SVOPL: variants seen among roughly 807,000 people sequenced by gnomAD.
SVOPL encodes the protein SVOP like.
In SVOPL, 60 loss-of-function variants were observed where a neutral mutation model predicts 61.0. The ratio of observed to expected loss-of-function variants is 0.98; its 90% CI spans 0.80 to 1.22. The LOEUF is 1.22. SVOPL is among the 50% of genes most tolerant of loss of function. The pLI is 0.00. For synonymous variants in SVOPL, 279 were observed against 250.0 expected (o/e 1.12, Z -1.09); for missense variants, 662 against 643.9 (o/e 1.03, Z -0.30).
chr7:138,615,521 A>C (rs1799252915), intron 14 of SVOPL, among the ~76,000 whole-genome samples: 1 of 80,464 alleles, frequency 1.2e-5, no homozygotes, highest in African/African-American at 3.6e-5. Context: ...GTGCCACTGC[A>C]CTCCATCCTG....
At chr7:138,660,378 G>A in intron 5 of SVOPL, 1 of 990,238 alleles carries the variant, frequency 1.0e-6, no homozygotes, top group Admixed American at 5.8e-5. Context: ...TTAATTATAA[G>A]GATAAATTCA....
At chr7:138,621,767 T>C (rs1799571795) in intron 13 of SVOPL, among the ~76,000 whole-genome samples, 1 of 152,168 alleles carries the variant, frequency 6.6e-6, no homozygotes, top group African/African-American at 2.4e-5. Context: ...TGTTGCAGAA[T>C]CTTAACAGCA....
chr7:138,663,610 C>T lies in SVOPL; in HGVS notation c.274-465G>A, dbSNP rs1204161166. ...AAACTCTTCAGAACATTCATAAGTCCTAAGATACACCTACTTCTTTTCCTT... is the reference window on the plus strand; with the variant it reads ...AAACTCTTCAGAACATTCATAAGTCTTAAGATACACCTACTTCTTTTCCTT... On this transcript the variant is annotated intron_variant, in intron 4 of 15. Coordinates refer to ENST00000674285, the MANE Select transcript of SVOPL (RefSeq NM_001139456.2). The T allele has an allele frequency of 1.3e-5, 13 of 987,480 alleles. No homozygotes were observed. In the Admixed American group the frequency reaches 4.8e-4, roughly 37 times the overall value. The allele number at this position is 987,480 out of a possible 1,614,324, so 61.2% of individuals were successfully genotyped here.
At chr7:138,654,145 A>AAG (rs988869965) in intron 7 of SVOPL, among the ~76,000 whole-genome samples, 1 of 147,566 alleles carries the variant, frequency 6.8e-6, no homozygotes, top group African/African-American at 2.5e-5. Flanking sequence ...AAAAAAAAAA[A>AAG]AAGAATCATG....
chr7:138,679,057 C>T lies in SVOPL; in HGVS notation c.-12G>A. On this transcript the variant is annotated 5_prime_UTR_variant, in exon 2 of 16. Coordinates refer to ENST00000674285, the MANE Select transcript of SVOPL (RefSeq NM_001139456.2). ...GGCTTGGTTGCCATCTTCTAAATAG[C>T]TCAAGTTCCCCAAACAGCTTCCCTG... 6.4e-7 allele frequency: 1 copy of T among 1,550,652 alleles called. No individual in the cohort carries two copies. Among genetic ancestry groups the T allele is most frequent in the Non-Finnish European group, 8.7e-7 (1 of 1,146,440 alleles).
At chr7:138,600,901 A>G (rs947339609) in intron 14 of SVOPL, among the ~76,000 whole-genome samples, 1 of 152,164 alleles carries the variant, frequency 6.6e-6, no homozygotes, top group African/African-American at 2.4e-5. Flanking sequence ...GATATTCCTA[A>G]GGAAGTTAAA....
intron 4 of SVOPL, among the ~76,000 whole-genome samples, chr7:138,669,023 T>C (rs1802348562): frequency 6.6e-6 from 1 of 152,186 alleles, no homozygotes; most frequent in South Asian, 2.1e-4. Context: ...GACTGGCCTT[T>C]TGACATGTGG....
At chr7:138,611,392 CCAAAACAAAACAAAA>C (rs113839524) in intron 14 of SVOPL, among the ~76,000 whole-genome samples, 47 of 151,562 alleles carry the variant, frequency 3.1e-4, no homozygotes, top group African/African-American at 9.7e-5. Flanking sequence ...ACCCCCAACC[CCAAAACAAAACAAAA>C]CAAAACAAAA....
At chr7:138,661,194 C>A in intron 5 of SVOPL, 4 of 985,222 alleles carry the variant, frequency 4.1e-6, no homozygotes, top group Non-Finnish European at 4.8e-6. Context: ...AGAAATCAAG[C>A]AAATAGAAAA....
intron 14 of SVOPL, among the ~76,000 whole-genome samples, chr7:138,599,887 CAAAAA>C (rs11379417): frequency 1.8e-5 from 2 of 108,932 alleles, no homozygotes; most frequent in African/African-American, 3.4e-5. Context: ...GACTCCGTCT[CAAAAA>C]AAAAAAAAAA....
intron 14 of SVOPL, among the ~76,000 whole-genome samples, chr7:138,603,522 AAT>A (rs1200454122): frequency 2.0e-5 from 3 of 152,076 alleles, no homozygotes; most frequent in African/African-American, 7.2e-5. Flanking sequence ...CTTCTCTACT[AAT>A]AAAAAATTAG....
intron 4 of SVOPL, among the ~76,000 whole-genome samples, chr7:138,669,333 A>G (rs1179919981): frequency 2.0e-5 from 3 of 152,178 alleles, no homozygotes; most frequent in Non-Finnish European, 4.4e-5. Flanking sequence ...ATTTGAGCCC[A>G]GGAGTTCAAA....
intron 7 of SVOPL, among the ~76,000 whole-genome samples, chr7:138,653,258 A>T (rs1801526801): frequency 6.6e-6 from 1 of 152,222 alleles, no homozygotes; most frequent in African/African-American, 2.4e-5. Flanking sequence ...GTCATCCAGG[A>T]GATCTAGCTA....
At chr7:138,668,626 T>C (rs78733833) in intron 4 of SVOPL, among the ~76,000 whole-genome samples, 2,133 of 152,304 alleles carry the variant, frequency 0.014, 55 homozygotes, top group African/African-American at 0.049. Flanking sequence ...CCATGCATTA[T>C]CTGAGAGAAG....
intron 6 of SVOPL, 95 bp downstream of exon 6, chr7:138,659,769 C>G: frequency 8.1e-7 from 1 of 1,228,398 alleles, no homozygotes; most frequent in South Asian, 1.5e-5. Flanking sequence ...ATGTTGGGTT[C>G]ACAATGCTTT....
intron 13 of SVOPL, 58 bp downstream of exon 13, chr7:138,625,911 C>T: frequency 6.4e-7 from 1 of 1,554,246 alleles, no homozygotes. Context: ...TTTGGATGGA[C>T]ATCCTAAGTA....
chr7:138,647,533 A>C (rs1289896147), intron 8 of SVOPL, among the ~76,000 whole-genome samples: 1 of 151,508 alleles, frequency 6.6e-6, no homozygotes, highest in Non-Finnish European at 1.5e-5. Flanking sequence ...TGGAGATGGG[A>C]TATACTGTTG....
chr7:138,661,944 A>T, intron 5 of SVOPL: 1 of 985,374 alleles, frequency 1.0e-6, no homozygotes, highest in Non-Finnish European at 1.2e-6. Flanking sequence ...CCTTACCCCC[A>T]CAATTACCAA....
chr7:138,700,030 G>C (rs910297325), intron 1 of SVOPL, among the ~76,000 whole-genome samples: 92 of 152,328 alleles, frequency 6.0e-4, no homozygotes, highest in African/African-American at 2.1e-3. Context: ...GCAGGGCACA[G>C]GGCTGTTGGC....
Sources: gnomAD v4.1 joint callset for allele counts (sites outside exome capture counted in the v4.1 genomes callset) on GRCh38, gnomAD v4.1.1 for gene constraint, MANE v1.5 for transcripts, NCBI Gene and HGNC (gene_info 2026-07-23, HGNC 2026-07-21) for gene names.